COL14A1: variants seen among roughly 807,000 people sequenced by gnomAD.
The protein encoded by COL14A1 is collagen type XIV alpha 1 chain.
A neutral mutation model predicts 230.3 loss-of-function variants in COL14A1; 136 were observed. That is an observed-to-expected ratio of 0.59 (90% CI 0.51 to 0.68). COL14A1 has a LOEUF of 0.68. Among genes scored for constraint, COL14A1 ranks in the 30% least tolerant of loss-of-function variants. COL14A1 has a pLI of 0.00. For synonymous variants in COL14A1, 792 were observed against 784.1 expected, an observed-to-expected ratio of 1.01 and a Z score of -0.17; for missense variants, 1,976 against 2,215.8, an observed-to-expected ratio of 0.89 and a Z score of 2.17.
At chr8:120,235,640 AT>A (rs1306262253) in intron 19 of COL14A1, among the ~76,000 whole-genome samples, 22 of 151,262 alleles carry the variant, frequency 1.5e-4, no homozygotes, top group African/African-American at 4.9e-4. Context: ...GATCTTAGTT[AT>A]TTCTTGTCTT....
chr8:120,363,269 C>T (rs1456979805), intron 45 of COL14A1, among the ~76,000 whole-genome samples: 2 of 152,198 alleles, frequency 1.3e-5, no homozygotes, highest in Non-Finnish European at 2.9e-5. Context: ...AGATCATGTA[C>T]TTTGCAGAGA....
At chr8:120,308,227 C>T (rs1269504059) in intron 36 of COL14A1, among the ~76,000 whole-genome samples, 1 of 152,242 alleles carries the variant, frequency 6.6e-6, no homozygotes, top group Non-Finnish European at 1.5e-5. Flanking sequence ...AGTGATCCAC[C>T]CGCCTTGGCC....
intron 2 of COL14A1, among the ~76,000 whole-genome samples, chr8:120,149,316 CT>C (rs1815194043): frequency 6.6e-6 from 1 of 152,218 alleles, no homozygotes; most frequent in African/African-American, 2.4e-5. Context: ...TGGAACTTGA[CT>C]TTTTGCATCC....
At chr8:120,351,954 A>G (rs1281833135) in intron 45 of COL14A1, among the ~76,000 whole-genome samples, 1 of 90,008 alleles carries the variant, frequency 1.1e-5, no homozygotes, top group Non-Finnish European at 2.1e-5. Context: ...ATTTTAGACC[A>G]ATATCCTTGA....
intron 26 of COL14A1, among the ~76,000 whole-genome samples, chr8:120,272,460 G>A (rs1314640528): frequency 1.3e-5 from 2 of 151,730 alleles, no homozygotes; most frequent in Non-Finnish European, 3.0e-5. Context: ...AACGTTGAAT[G>A]TAAATAGCCT....
At chr8:120,316,749 G>C (rs1250933003) in intron 40 of COL14A1, among the ~76,000 whole-genome samples, 1 of 151,916 alleles carries the variant, frequency 6.6e-6, no homozygotes, top group Admixed American at 6.6e-5. Flanking sequence ...TCAGCCAGGT[G>C]AACAAGGAAA....
In COL14A1 at chr8:120,128,580, T is replaced by C. The variant is rs890438146; in HGVS notation, c.-38+3240T>C. Among the ~76,000 whole-genome samples the C allele has an allele frequency of 3.3e-5, 5 of 152,062 alleles. 1 individual carries two copies. Among genetic ancestry groups the C allele is most frequent in the Admixed American group, 3.3e-4 (5 of 15,258 alleles). On this transcript the variant is annotated intron_variant, in intron 1 of 47. Transcript: ENST00000297848. ...CAAAACCCCATCTCTACTAAAAATA[T>C]AAAGATTAGCTGGGCGTGGTGGTGG... is the stretch of plus-strand genomic sequence containing the variant.
intron 25 of COL14A1, among the ~76,000 whole-genome samples, chr8:120,267,244 G>A (rs556113756): frequency 2.6e-5 from 4 of 151,938 alleles, no homozygotes; most frequent in Middle Eastern, 3.4e-3. Context: ...TCTTTCAGTC[G>A]TTTTTTCTTT....
chr8:120,246,839 T>C (rs1255916612), intron 20 of COL14A1, among the ~76,000 whole-genome samples: 1 of 152,024 alleles, frequency 6.6e-6, no homozygotes, highest in Non-Finnish European at 1.5e-5. Flanking sequence ...GGATAAGCAA[T>C]AATATAAAAC....
At chr8:120,277,023 A>C (rs1261890910) in intron 26 of COL14A1, among the ~76,000 whole-genome samples, 1 of 152,074 alleles carries the variant, frequency 6.6e-6, no homozygotes, top group Non-Finnish European at 1.5e-5. Flanking sequence ...GAAAGATGCT[A>C]TCTTTACTTA....
At chr8:120,340,090 G>A (rs984114237) in intron 42 of COL14A1, among the ~76,000 whole-genome samples, 3 of 136,010 alleles carry the variant, frequency 2.2e-5, no homozygotes, top group Non-Finnish European at 4.7e-5. Context: ...TGTATGTGGT[G>A]TATGTTTGTG....
In COL14A1 at chr8:120,147,820, C is replaced by T; in HGVS notation, c.-23C>T. ...TCTGTTTCTAGGTGGCTGCTACACC[C>T]CATGTAAAAAGCGGAAAATAAAATG... On this transcript the variant is annotated 5_prime_UTR_variant, in exon 2 of 48. Coordinates refer to ENST00000297848, the MANE Select transcript of COL14A1 (RefSeq NM_021110.4). The T allele has an allele frequency of 1.3e-6, 2 of 1,593,122 alleles. No homozygotes were observed. The highest frequency in any genetic ancestry group is 1.7e-6 in the Non-Finnish European group (2 of 1,163,576).
Position 120,289,598 on chromosome 8 carries a change from T to G in COL14A1, c.4078-10T>G, listed in dbSNP as rs542743067. On this transcript the variant is annotated splice_polypyrimidine_tract_variant and intron_variant, in intron 33 of 47. Coordinates refer to ENST00000297848, the MANE Select transcript of COL14A1 (RefSeq NM_021110.4). ...TTTCTTACCTCCTAAAACATCTTACTTTTACCTAGCTACACATTGTTGTCA... is the reference window on the plus strand; with the variant it reads ...TTTCTTACCTCCTAAAACATCTTACGTTTACCTAGCTACACATTGTTGTCA... 6.2e-7 allele frequency: 1 copy of G among 1,612,562 alleles called. No individual in the cohort carries two copies. The highest frequency in any genetic ancestry group is 1.7e-5 in the Admixed American group (1 of 59,680).
At chr8:120,166,519 T>TTAC (rs60771202) in intron 4 of COL14A1, among the ~76,000 whole-genome samples, 40,497 of 151,974 alleles carry the variant, frequency 0.27, 5,706 homozygotes, top group African/African-American at 0.35. Flanking sequence ...TCTGAATTTA[T>TTAC]TACTAGTCTT....
At chr8:120,281,884 G>A (rs1463488442) in intron 31 of COL14A1, among the ~76,000 whole-genome samples, 1 of 152,176 alleles carries the variant, frequency 6.6e-6, no homozygotes, top group African/African-American at 2.4e-5. Context: ...ACTCTAGAAA[G>A]TTGAAGAGTA....
At chr8:120,182,888 G>A (rs1402221392) in intron 5 of COL14A1, among the ~76,000 whole-genome samples, 1 of 151,598 alleles carries the variant, frequency 6.6e-6, no homozygotes, top group Non-Finnish European at 1.5e-5. Context: ...CACCATGCCT[G>A]GATAATTTTT....
intron 40 of COL14A1, among the ~76,000 whole-genome samples, chr8:120,323,534 G>A (rs1186696145): frequency 1.3e-5 from 2 of 152,018 alleles, no homozygotes; most frequent in African/African-American, 4.8e-5. Flanking sequence ...GTCTTCCAGG[G>A]TTTTTATAGT....
intron 35 of COL14A1, among the ~76,000 whole-genome samples, 187 bp downstream of exon 35, chr8:120,297,775 C>T (rs1820572524): frequency 6.6e-6 from 1 of 151,974 alleles, no homozygotes; most frequent in Non-Finnish European, 1.5e-5. Flanking sequence ...TCACATACAG[C>T]GTGAACTGCC....
chr8:120,153,554 A>T (rs1815362892), intron 2 of COL14A1, among the ~76,000 whole-genome samples: 1 of 152,208 alleles, frequency 6.6e-6, no homozygotes, highest in African/African-American at 2.4e-5. Context: ...TCTGCTGTTT[A>T]AAAGTCTTTT....
Sources: gnomAD v4.1 joint callset for allele counts (sites outside exome capture counted in the v4.1 genomes callset) on GRCh38, gnomAD v4.1.1 for gene constraint, MANE v1.5 for transcripts, NCBI Gene and HGNC (gene_info 2026-07-23, HGNC 2026-07-21) for gene names.